FN1: variants seen among roughly 807,000 people sequenced by gnomAD.
FN1 encodes fibronectin.
In FN1, 106 loss-of-function variants were observed where a neutral mutation model predicts 297.3. The ratio of observed to expected loss-of-function variants is 0.36; its 90% CI spans 0.30 to 0.42. FN1 has a LOEUF of 0.42. FN1 is among the 10% of genes least tolerant of loss of function. FN1 has a pLI of 1.00. For synonymous variants in FN1, 1,149 were observed against 1,152.6 expected, an observed-to-expected ratio of 1.00 and a Z score of 0.06; for missense variants, 2,690 against 3,124.9, an observed-to-expected ratio of 0.86 and a Z score of 3.32.
chr2:215,411,416 C>T (rs2062606856), intron 13 of FN1, among the ~76,000 whole-genome samples: 1 of 152,092 alleles, frequency 6.6e-6, no homozygotes, highest in African/African-American at 2.4e-5. Context: ...CGAGAGTGAT[C>T]GTAGTACTCT....
At chr2:215,388,365 C>T (rs1461786489) in intron 26 of FN1, 64 bp from the exon 27 acceptor site, 5 of 1,151,318 alleles carry the variant, frequency 4.3e-6, no homozygotes, top group Non-Finnish European at 6.6e-6. Flanking sequence ...TAAAGCACGC[C>T]CAGGACTATT....
rs1256265574 is a variant in FN1, at chr2:215,372,344, G to A, written c.6279C>T (p.His2093=). Residue 2093 remains histidine, a synonymous_variant, in exon 40 of 46, where the codon CAC becomes CAT. Coordinates refer to ENST00000354785, the MANE Select transcript of FN1 (RefSeq NM_212482.4). ...DELPQLVTLP[H]PNLHGPEILD... The stretch of plus-strand genomic sequence containing the variant: ...AGATCTCTGGTCCATGAAGATTGGG[G>A]TGTGGAAGGGTTACCAGTTGGGGAA... 1.9e-6 allele frequency: 3 copies of A among 1,614,226 alleles called. No homozygotes were observed. Among genetic ancestry groups the A allele is most frequent in the African/African-American group, 1.3e-5 (1 of 75,066 alleles).
chr2:215,363,486 G>A (rs977259941), intron 44 of FN1: 3 of 152,216 alleles, frequency 2.0e-5, no homozygotes, highest in African/African-American at 7.2e-5. Context: ...TGTAATCACT[G>A]GGGGTGAAAC....
At chr2:215,397,318 T>G (rs1227244386) in intron 22 of FN1, 95 bp from the exon 23 acceptor site, 7 of 873,714 alleles carry the variant, frequency 8.0e-6, no homozygotes, top group African/African-American at 1.6e-5. Context: ...CTTCCATGCT[T>G]CTTCCCTCCC....
Position 215,375,411 on chromosome 2 carries a change from T to C in FN1, c.5978-18A>G. The C allele has an allele frequency of 1.2e-6, 2 of 1,610,170 alleles. No homozygotes were observed. The highest frequency in any genetic ancestry group is 1.7e-6 in the Non-Finnish European group (2 of 1,177,620). ...ATCAATGGCTGAAAGAAAACAAAAT[T>C]AAGTCTCTAAGAAGGCAAATAACCA... On this transcript the variant is annotated intron_variant, in intron 37 of 45. Coordinates refer to ENST00000354785, the MANE Select transcript of FN1 (RefSeq NM_212482.4).
At chr2:215,388,121 T>C (rs2059253637) in intron 27 of FN1, 91 bp downstream of exon 27, 2 of 933,828 alleles carry the variant, frequency 2.1e-6, no homozygotes, top group African/African-American at 3.2e-5. Context: ...CAACAAAAAA[T>C]GGAGATGTAT....
chr2:215,401,254 G>GAAAGAAAA (rs2061079871), intron 20 of FN1, among the ~76,000 whole-genome samples: 1 of 43,262 alleles, frequency 2.3e-5, no homozygotes, highest in African/African-American at 8.5e-5. Flanking sequence ...AAGAAAGGAA[G>GAAAGAAAA]AAAGAAAGGA....
intron 32 of FN1, 179 bp downstream of exon 32, chr2:215,382,033 A>G (rs1243940550): frequency 3.4e-6 from 2 of 594,320 alleles, no homozygotes; most frequent in Admixed American, 5.0e-5. Context: ...TTTCTCTGTA[A>G]ATTCCTCGCT....
At position 215,419,261 on chromosome 2, in the gene FN1, T is replaced by C. The variant is rs1347941801; in HGVS notation, c.1800A>G (p.Gln600=). ...ACTTACTTGGATAGGTCTGTAAAGGTTGGCAATGCCACTCCCCAATGCCAC... is the reference window on the plus strand; with the variant it reads ...ACTTACTTGGATAGGTCTGTAAAGGCTGGCAATGCCACTCCCCAATGCCAC... ...YGRGIGEWHC[Q]PLQTYPSSSG... Residue 600 remains glutamine (Q), a synonymous_variant, in exon 12 of 46, where the codon CAA becomes CAG. Transcript: ENST00000354785. The C allele has an allele frequency of 6.2e-7, 1 of 1,614,028 alleles. No homozygotes were observed. Among genetic ancestry groups the C allele is most frequent in the South Asian group, 1.1e-5 (1 of 91,072 alleles).
At chr2:215,419,212 T>A in intron 12 of FN1, 30 bp downstream of exon 12, 1 of 1,610,520 alleles carries the variant, frequency 6.2e-7, no homozygotes, top group Non-Finnish European at 8.5e-7. Flanking sequence ...CAATTGGCAG[T>A]TCTCAACTTG....
intron 26 of FN1, 70 bp downstream of exon 26, chr2:215,391,562 T>G (rs779357971): frequency 7.2e-7 from 1 of 1,398,546 alleles, no homozygotes; most frequent in Non-Finnish European, 1.0e-6. Context: ...CTCCTCCTAC[T>G]TGAGAATTTA....
chr2:215,376,424 T>C (rs1479115152), intron 36 of FN1, 74 bp downstream of exon 36: 15 of 1,338,854 alleles, frequency 1.1e-5, no homozygotes, highest in South Asian at 7.0e-5. Context: ...GTGTCAGTCG[T>C]AGAACAGTTA....
chr2:215,424,127 T>C lies in FN1; in HGVS notation c.1216+19A>G, dbSNP rs750786236. ...AGTGAGTTTTTCTCACTTCTGTGGCTCCCCCTTGGGACACTCACCAGTGTG... is the reference window on the plus strand; with the variant it reads ...AGTGAGTTTTTCTCACTTCTGTGGCCCCCCCTTGGGACACTCACCAGTGTG... On this transcript the variant is annotated intron_variant, in intron 8 of 45. Transcript: ENST00000354785. 35 of 1,612,408 alleles carry C rather than the reference T, an allele frequency of 2.2e-5. No homozygotes were observed. Among genetic ancestry groups the C allele is most frequent in the Non-Finnish European group, 2.7e-5 (32 of 1,178,708 alleles).
chr2:215,395,266 C>G (rs1561301), intron 23 of FN1, among the ~76,000 whole-genome samples: 92,783 of 151,972 alleles, frequency 0.61, 28,763 homozygotes, highest in East Asian at 0.89. Context: ...AACAAAAGTG[C>G]TGATACTTAT....
intron 23 of FN1, 40 bp downstream of exon 23, chr2:215,397,097 G>A: frequency 8.2e-7 from 1 of 1,219,376 alleles, no homozygotes; most frequent in African/African-American, 1.5e-5. Context: ...TCTTGGGAAG[G>A]TATGGTGTAT....
intron 41 of FN1, 30 bp downstream of exon 41, chr2:215,370,264 C>T (rs199573501): frequency 6.2e-7 from 1 of 1,612,144 alleles, no homozygotes; most frequent in Non-Finnish European, 8.5e-7. Flanking sequence ...CAGAGGGGAG[C>T]CTGTGTCTAA....
Position 215,420,677 on chromosome 2 carries a change from G to A in FN1, c.1671C>T (p.Pro557=), listed in dbSNP as rs767104145. ...GQGRGRWKCD[P]VDQCQDSETG... is the part of the protein sequence containing the mutation. ...TAGGGAAATAGGGCTACTCACCGACGGGATCACACTTCCACCTGCCCCGAC... is the reference window on the plus strand; with the variant it reads ...TAGGGAAATAGGGCTACTCACCGACAGGATCACACTTCCACCTGCCCCGAC... The change falls in exon 11 of 46, where the codon CCC becomes CCT. Residue 557 remains proline (P), a synonymous_variant. Coordinates refer to ENST00000354785, the MANE Select transcript of FN1 (RefSeq NM_212482.4). 25 of 1,613,936 alleles carry A rather than the reference G, an allele frequency of 1.5e-5. No individual in the cohort carries two copies. In the East Asian group the frequency reaches 3.8e-4, roughly 24 times the overall value.
chr2:215,425,819 G>A (rs182060130), intron 6 of FN1, among the ~76,000 whole-genome samples: 219 of 152,160 alleles, frequency 1.4e-3, no homozygotes, highest in African/African-American at 4.9e-3. Context: ...GGATCCACCC[G>A]CTTCGGCCTC....
chr2:215,434,865 C>A (rs1383842760), intron 1 of FN1, 41 bp from the exon 2 acceptor site: 2 of 1,604,100 alleles, frequency 1.2e-6, no homozygotes, highest in South Asian at 1.1e-5. Flanking sequence ...TGCATTTCTC[C>A]TTTTCCCAAA....
Sources: gnomAD v4.1 joint callset for allele counts (sites outside exome capture counted in the v4.1 genomes callset) on GRCh38, gnomAD v4.1.1 for gene constraint, MANE v1.5 for transcripts, NCBI Gene and HGNC (gene_info 2026-07-23, HGNC 2026-07-21) for gene names.